RANBP2: variants seen among roughly 807,000 people sequenced by gnomAD.
RANBP2 encodes E3 SUMO-protein ligase RanBP2.
In RANBP2, 57 loss-of-function variants were observed where a neutral mutation model predicts 303.6. That is an observed-to-expected ratio of 0.19 (90% CI 0.15 to 0.23). The LOEUF is 0.23. Ranked by LOEUF, RANBP2 falls within the 10% of genes least tolerant of loss-of-function variation. The pLI is 1.00. For synonymous variants in RANBP2, 1,167 were observed against 1,301.5 expected, an observed-to-expected ratio of 0.90 and a Z score of 2.23; for missense variants, 3,138 against 3,780.8, an observed-to-expected ratio of 0.83 and a Z score of 4.46.
the RANBP2 span, among the ~76,000 whole-genome samples, chr2:108,864,593 C>A: frequency 6.6e-6 from 1 of 151,920 alleles, no homozygotes; most frequent in African/African-American, 2.4e-5. Flanking sequence ...GTTAGGAGAT[C>A]GAGAGCAGCC....
At chr2:109,048,182 G>A in the RANBP2 span, among the ~76,000 whole-genome samples, 2 of 152,140 alleles carry the variant, frequency 1.3e-5, no homozygotes, top group Non-Finnish European at 2.9e-5. Context: ...AAGCACTCAG[G>A]CCATTACTTT....
At chr2:109,327,553 T>A in the RANBP2 span, among the ~76,000 whole-genome samples, 1 of 152,256 alleles carries the variant, frequency 6.6e-6, no homozygotes, top group Non-Finnish European at 1.5e-5. Context: ...GCATTTGAAC[T>A]ATACATCAAG....
the RANBP2 span, among the ~76,000 whole-genome samples, chr2:108,934,355 TCTC>T: frequency 6.6e-6 from 1 of 152,036 alleles, no homozygotes; most frequent in Non-Finnish European, 1.5e-5. Context: ...CCAGTCGTGA[TCTC>T]CTGTTTGTTT....
the RANBP2 span, chr2:109,545,488 G>A: frequency 5.2e-6 from 8 of 1,535,968 alleles, no homozygotes; most frequent in Non-Finnish European, 7.0e-6. Flanking sequence ...GTCCACCATT[G>A]GTTTCACAAG....
At chr2:109,227,575 A>T in the RANBP2 span, among the ~76,000 whole-genome samples, 1 of 151,938 alleles carries the variant, frequency 6.6e-6, no homozygotes, top group Non-Finnish European at 1.5e-5. Context: ...TCTCTGGGAG[A>T]TCCCTGGCTC....
At chr2:109,304,973 A>C in the RANBP2 span, among the ~76,000 whole-genome samples, 1 of 152,110 alleles carries the variant, frequency 6.6e-6, no homozygotes, top group African/African-American at 2.4e-5. Flanking sequence ...TATGAGTAGG[A>C]ATGTTTAATG....
chr2:109,059,392 G>A, the RANBP2 span, among the ~76,000 whole-genome samples: 1 of 152,078 alleles, frequency 6.6e-6, no homozygotes, highest in Non-Finnish European at 1.5e-5. Context: ...TGGCTAACAC[G>A]GTGAAACCCC....
At chr2:109,615,494 C>A in the RANBP2 span, 1 of 1,613,694 alleles carries the variant, frequency 6.2e-7, no homozygotes, top group Admixed American at 1.7e-5. Flanking sequence ...TGAACATCGA[C>A]GCCAGGACGA....
At chr2:108,938,313 A>G in the RANBP2 span, among the ~76,000 whole-genome samples, 93 of 152,350 alleles carry the variant, frequency 6.1e-4, no homozygotes, top group Admixed American at 1.7e-3. Flanking sequence ...CAACATGGTT[A>G]TTGCTGCTTG....
the RANBP2 span, among the ~76,000 whole-genome samples, chr2:109,355,861 C>T: frequency 6.6e-6 from 1 of 152,214 alleles, no homozygotes; most frequent in East Asian, 1.9e-4. Context: ...GCTATTTCCT[C>T]CTTCCTTGTC....
At chr2:108,959,830 T>G in the RANBP2 span, among the ~76,000 whole-genome samples, 6 of 152,196 alleles carry the variant, frequency 3.9e-5, no homozygotes, top group Admixed American at 6.5e-5. Context: ...CACAGGTCTC[T>G]CAAGAAACTC....
At chr2:108,750,015 T>C (rs1675738172) in intron 9 of RANBP2, among the ~76,000 whole-genome samples, 1 of 152,192 alleles carries the variant, frequency 6.6e-6, no homozygotes, top group African/African-American at 2.4e-5. Context: ...CCGGGGGTGG[T>C]GGCATGTGCC....
downstream of RANBP2, chr2:108,788,078 T>C: frequency 6.2e-7 from 1 of 1,601,488 alleles, no homozygotes; most frequent in Non-Finnish European, 8.5e-7. Flanking sequence ...AGAAGAACTC[T>C]AACCTCCCCA....
chr2:109,371,532 T>C, the RANBP2 span: 1 of 1,518,372 alleles, frequency 6.6e-7, no homozygotes, highest in Non-Finnish European at 9.1e-7. Context: ...TTGCTTCCTT[T>C]TTCATTGTGT....
the RANBP2 span, among the ~76,000 whole-genome samples, chr2:109,586,412 C>T: frequency 6.6e-6 from 1 of 150,536 alleles, no homozygotes; most frequent in Admixed American, 7.0e-5. Context: ...TAGCTTTTTC[C>T]CTGAAGGCAC....
the RANBP2 span, among the ~76,000 whole-genome samples, chr2:109,705,237 T>C: frequency 6.6e-6 from 1 of 152,014 alleles, no homozygotes; most frequent in Non-Finnish European, 1.5e-5. Context: ...AAACCCCATC[T>C]CTACTAAAAA....
chr2:108,947,504 T>C, the RANBP2 span, among the ~76,000 whole-genome samples: 24 of 152,326 alleles, frequency 1.6e-4, no homozygotes, highest in African/African-American at 5.1e-4. Context: ...TGCAGTAGAC[T>C]TCTGCCTGGA....
At chr2:109,342,461 G>C in the RANBP2 span, among the ~76,000 whole-genome samples, 2 of 152,224 alleles carry the variant, frequency 1.3e-5, no homozygotes, top group African/African-American at 2.4e-5. Flanking sequence ...GGCTAATTGT[G>C]AAGGGGGCCC....
the RANBP2 span, among the ~76,000 whole-genome samples, chr2:109,416,533 C>T: frequency 7.9e-5 from 12 of 152,194 alleles, no homozygotes; most frequent in African/African-American, 2.9e-4. Flanking sequence ...TACAGGCGTG[C>T]GCCATCATGC....
Sources: allele counts gnomAD v4.1 joint callset (sites outside exome capture counted in the v4.1 genomes callset), GRCh38; gene constraint gnomAD v4.1.1; transcripts MANE v1.5; gene names NCBI Gene and HGNC (gene_info 2026-07-23, HGNC 2026-07-21).